The following PALM2AKAP2 variants were observed in gnomAD, a reference collection of about 807,000 sequenced individuals.
The protein encoded by PALM2AKAP2 is PALM2 and AKAP2 fusion.
Under a neutral mutation model 71.5 loss-of-function variants are expected in PALM2AKAP2, and 37 were observed. That is an observed-to-expected ratio of 0.52 (90% CI 0.40 to 0.68). PALM2AKAP2 has a LOEUF of 0.68. Ranked by LOEUF, PALM2AKAP2 falls within the 30% of genes least tolerant of loss-of-function variation. The pLI is 0.00. For missense variants in PALM2AKAP2, 1,224 were observed against 1,191.8 expected, an observed-to-expected ratio of 1.03 and a Z score of -0.40; for synonymous variants, 468 against 478.8, an observed-to-expected ratio of 0.98 and a Z score of 0.29.
chr9:110,040,483 G>C (rs1426829178), intron 7 of PALM2AKAP2, among the ~76,000 whole-genome samples: 1 of 152,120 alleles, frequency 6.6e-6, no homozygotes, highest in Non-Finnish European at 1.5e-5. Flanking sequence ...AGCAAATCAA[G>C]ACTACCGCAA....
At chr9:110,016,322 G>A (rs774699425) in intron 7 of PALM2AKAP2, among the ~76,000 whole-genome samples, 29 of 151,906 alleles carry the variant, frequency 1.9e-4, no homozygotes, top group Non-Finnish European at 3.1e-4. Context: ...TTTCCAATGG[G>A]CCTGTCGTAG....
chr9:110,171,908 T>A (rs1836865261), exon 4 of PALM2AKAP2: 1 of 152,660 alleles, frequency 6.6e-6, no homozygotes, highest in Non-Finnish European at 1.5e-5. Context: ...GGAAACAGGG[T>A]CTGTCAGTGG....
Position 109,977,393 on chromosome 9 carries a change from T to C in PALM2AKAP2, c.497-38561T>C, listed in dbSNP as rs1005698401. Among the ~76,000 whole-genome samples the C allele has an allele frequency of 3.3e-5, 5 of 152,226 alleles. No individual in the cohort carries two copies. The East Asian group carries it at 9.6e-4, about 29-fold the overall frequency. ...GGCTCTTAATATTGCTTTCTGTTCA[T>C]GTGGGCTTTAATGACTTGCTCGACA... On this transcript the variant is annotated intron_variant, in intron 6 of 9. Transcript: ENST00000302798.
At chr9:109,883,188 G>T (rs12237174) in intron 3 of PALM2AKAP2, among the ~76,000 whole-genome samples, 42,180 of 152,012 alleles carry the variant, frequency 0.28, 7,417 homozygotes, top group African/African-American at 0.5. Flanking sequence ...AGGTGGTCAT[G>T]ATTATACTCA....
At chr9:110,017,296 G>C (rs1428321705) in intron 7 of PALM2AKAP2, among the ~76,000 whole-genome samples, 1 of 152,238 alleles carries the variant, frequency 6.6e-6, no homozygotes, top group Non-Finnish European at 1.5e-5. Flanking sequence ...AAATGGTAGA[G>C]AAAGCAAGCA....
intron 6 of PALM2AKAP2, chr9:109,944,168 T>G (rs1831447666): frequency 6.6e-6 from 1 of 152,298 alleles, no homozygotes; most frequent in Non-Finnish European, 1.5e-5. Context: ...ATTTTAAAAT[T>G]TCTAAGGACA....
At chr9:109,735,555 C>T (rs1268712289) in intron 1 of PALM2AKAP2, among the ~76,000 whole-genome samples, 3 of 152,122 alleles carry the variant, frequency 2.0e-5, no homozygotes, top group Non-Finnish European at 4.4e-5. Flanking sequence ...AATGAAATGC[C>T]TGTAATCACA....
rs778077398 is a variant in PALM2AKAP2, at chr9:109,847,350, CA to C, written c.46-20138del. 1.0e-3 allele frequency among the ~76,000 whole-genome samples: 154 copies of C among 152,316 alleles called. 1 individual carries two copies. The Middle Eastern group carries it at 0.01, about 10-fold the overall frequency. Reference sequence around the variant, plus strand: ...AGCAGCTGCCAGAAGCTTAAAGAGGCAAAGGATGAATTGTCCCCTAGAGCCT... The same window carrying C: ...AGCAGCTGCCAGAAGCTTAAAGAGGCAAGGATGAATTGTCCCCTAGAGCCT... On this transcript the variant is annotated intron_variant, in intron 1 of 9. Coordinates refer to the PALM2AKAP2 transcript ENST00000302798.
In PALM2AKAP2 at chr9:109,969,044, C is replaced by T. The variant is rs181584582; in HGVS notation, c.496+37016C>T. ...GCTGCAGGAATGTAAAATGCAAGAC[C>T]CTCTGATCTGACAGTCTTTTCCTGC... is the stretch of plus-strand genomic sequence containing the variant. On this transcript the variant is annotated intron_variant, in intron 6 of 9. Coordinates refer to the PALM2AKAP2 transcript ENST00000302798. Among the ~76,000 whole-genome samples the T allele has an allele frequency of 7.9e-5, 12 of 151,482 alleles. No homozygotes were observed. The East Asian group carries it at 2.3e-3, about 30-fold the overall frequency.
In PALM2AKAP2 at chr9:109,929,440, AC is replaced by A. The variant is rs543941445; in HGVS notation, c.395-2485del. 3.6e-4 allele frequency among the ~76,000 whole-genome samples: 54 copies of A among 152,014 alleles called. No individual in the cohort carries two copies. In the South Asian group the frequency reaches 0.01, roughly 29 times the overall value. ...CTCTTCCCACGGACAATTGTCACCC[AC>A]CTGCCCCTACCCCCTCAGGACTACT... On this transcript the variant is annotated intron_variant, in intron 5 of 9. Coordinates refer to the PALM2AKAP2 transcript ENST00000302798.
chr9:109,799,226 G>A (rs143918589), intron 1 of PALM2AKAP2, among the ~76,000 whole-genome samples: 40 of 152,360 alleles, frequency 2.6e-4, no homozygotes, highest in Admixed American at 5.2e-4. Flanking sequence ...AGCGTGGCTC[G>A]TGGATGTTGA....
In PALM2AKAP2 at chr9:109,966,648, A is replaced by C. The variant is rs187493597; in HGVS notation, c.496+34620A>C. On this transcript the variant is annotated intron_variant, in intron 6 of 9. Coordinates refer to the PALM2AKAP2 transcript ENST00000302798. ...GCTATTTTTTATCTTTTAAATCTGG[A>C]TGGTTGGTACGTTGGTGTCTGTTAC... is the stretch of plus-strand genomic sequence containing the variant. 1.1e-4 allele frequency among the ~76,000 whole-genome samples: 17 copies of C among 152,354 alleles called. 1 individual carries two copies. In the East Asian group the frequency reaches 3.1e-3, roughly 28 times the overall value.
chr9:109,720,815 G>T (rs115315585), intron 1 of PALM2AKAP2, among the ~76,000 whole-genome samples: 1,913 of 152,302 alleles, frequency 0.013, 48 homozygotes, highest in African/African-American at 0.043. Flanking sequence ...ATTCACAGTG[G>T]ATGCATTGAT....
At chr9:109,791,400 C>T (rs1016772149) in intron 1 of PALM2AKAP2, among the ~76,000 whole-genome samples, 2 of 152,220 alleles carry the variant, frequency 1.3e-5, no homozygotes, top group Non-Finnish European at 2.9e-5. Flanking sequence ...TTCTATCTCT[C>T]ATCCCCTCTC....
intron 1 of PALM2AKAP2, among the ~76,000 whole-genome samples, chr9:109,742,415 C>A (rs1035213721): frequency 7.2e-5 from 11 of 152,090 alleles, no homozygotes; most frequent in Admixed American, 6.5e-5. Flanking sequence ...GAACTATGAG[C>A]CTTATGTATG....
At chr9:110,013,448 G>A (rs1832920053) in intron 6 of PALM2AKAP2, among the ~76,000 whole-genome samples, 1 of 152,204 alleles carries the variant, frequency 6.6e-6, no homozygotes, top group South Asian at 2.1e-4. Flanking sequence ...AGCAGGAGGG[G>A]TTATTAGTCG....
At chr9:109,809,363 G>A (rs1432263374) in intron 1 of PALM2AKAP2, among the ~76,000 whole-genome samples, 3 of 152,198 alleles carry the variant, frequency 2.0e-5, no homozygotes, top group Non-Finnish European at 4.4e-5. Context: ...TGTGAGACAT[G>A]GAGATCAAGG....
chr9:109,644,329 A>C (rs1203819541), intron 1 of PALM2AKAP2, among the ~76,000 whole-genome samples: 1 of 152,130 alleles, frequency 6.6e-6, no homozygotes, highest in African/African-American at 2.4e-5. Flanking sequence ...CATCTCCGGT[A>C]GAAAAGCCCA....
chr9:110,163,489 T>C (rs911322026), intron 3 of PALM2AKAP2, among the ~76,000 whole-genome samples: 2 of 152,354 alleles, frequency 1.3e-5, no homozygotes, highest in Non-Finnish European at 1.5e-5. Context: ...AGTTCCCTCC[T>C]CCCTTACAAT....
Sources: gnomAD v4.1 joint callset for allele counts (sites outside exome capture counted in the v4.1 genomes callset) on GRCh38, gnomAD v4.1.1 for gene constraint, MANE v1.5 for transcripts, NCBI Gene and HGNC (gene_info 2026-07-23, HGNC 2026-07-21) for gene names.